TRPS1: variants seen among roughly 807,000 people sequenced by gnomAD.
TRPS1 encodes zinc finger transcription factor Trps1.
A neutral mutation model predicts 101.2 loss-of-function variants in TRPS1; 6 were observed. That is an observed-to-expected ratio of 0.06 (90% confidence interval 0.03 to 0.12). TRPS1 has a LOEUF of 0.12. Ranked by LOEUF, TRPS1 falls within the 10% of genes least tolerant of loss-of-function variation. The pLI, the probability that TRPS1 is intolerant of heterozygous loss-of-function variation, is 1.00. For missense variants in TRPS1, 1,363 were observed against 1,567.0 expected (o/e 0.87, Z 2.20); for synonymous variants, 578 against 589.8 (o/e 0.98, Z 0.29).
At chr8:115,639,323 C>A (rs1818841943) in intron 1 of TRPS1, among the ~76,000 whole-genome samples, 1 of 152,142 alleles carries the variant, frequency 6.6e-6, no homozygotes, top group Admixed American at 6.5e-5. Context: ...GCCACCTTGG[C>A]CTTCCAGAGT....
At position 115,537,617 on chromosome 8, in the gene TRPS1, A is replaced by AT. The variant is rs143993539; in HGVS notation, c.2700+49383dup. Among the ~76,000 whole-genome samples, 1,433 of 152,342 alleles carry AT rather than the reference A, an allele frequency of 9.4e-3. 22 individuals carry two copies. Among genetic ancestry groups the AT allele is most frequent in the African/African-American group, 0.033 (1,372 of 41,574 alleles). On this transcript the variant is annotated intron_variant, in intron 5 of 6. Transcript: ENST00000395715. ...TTTGGGGGACCCAAATTAGTCTCCT[A>AT]TAAAAAAAAGACATGTCCTGAGACT...
intron 5 of TRPS1, among the ~76,000 whole-genome samples, chr8:115,463,954 G>T (rs1814253618): frequency 6.6e-6 from 1 of 151,846 alleles, no homozygotes; most frequent in African/African-American, 2.4e-5. Context: ...TTCCTACAAA[G>T]TAGTTTATAG....
At position 115,604,397 on chromosome 8, in the gene TRPS1, G is replaced by T; in HGVS notation, c.1572C>A (p.Ser524=). Residue 524 remains serine (S), a synonymous_variant, in exon 4 of 7, where the codon TCC becomes TCA. Coordinates refer to ENST00000395715, the MANE Select transcript of TRPS1 (RefSeq NM_014112.5). This position sits in a 1 kb window ranked among gnomAD's most constrained non-coding sequence, Gnocchi z 4.1. The stretch of plus-strand genomic sequence containing the variant: ...CCATATTATCCTCGGCTCCCTTGCT[G>T]GAGAAGTCCTTCTTTTTAGCCCCAC... ...SSSGAKKKDF[S]SKGAEDNMVT... 1.2e-6 allele frequency: 2 copies of T among 1,613,992 alleles called. No homozygotes were observed. Among genetic ancestry groups the T allele is most frequent in the African/African-American group, 2.7e-5 (2 of 74,998 alleles).
At chr8:115,615,508 G>A (rs750019135) in intron 3 of TRPS1, among the ~76,000 whole-genome samples, 5 of 152,198 alleles carry the variant, frequency 3.3e-5, no homozygotes, top group Admixed American at 1.3e-4. Context: ...GGTGGCTCAC[G>A]CCTGTAATCC....
chr8:115,531,702 G>A (rs1393946020), intron 5 of TRPS1, among the ~76,000 whole-genome samples: 1 of 152,028 alleles, frequency 6.6e-6, no homozygotes, highest in African/African-American at 2.4e-5. Context: ...CTTACAAAGA[G>A]TAAGAGTTTA....
chr8:115,426,012 CTT>C (rs1238536642), intron 5 of TRPS1, among the ~76,000 whole-genome samples: 1 of 152,042 alleles, frequency 6.6e-6, no homozygotes, highest in African/African-American at 2.4e-5. Context: ...TCTGCACTGT[CTT>C]TTTTTTCATT....
intron 5 of TRPS1, among the ~76,000 whole-genome samples, chr8:115,561,421 GA>G (rs1246874027): frequency 3.3e-5 from 5 of 151,574 alleles, no homozygotes; most frequent in Non-Finnish European, 5.9e-5. Context: ...AACACTAGCT[GA>G]ATCAGATGAA....
At chr8:115,661,640 T>C (rs916155717) in intron 1 of TRPS1, 2 of 151,998 alleles carry the variant, frequency 1.3e-5, no homozygotes, top group Non-Finnish European at 2.9e-5. Flanking sequence ...GGAACCAAGA[T>C]AGTGGTGGAT....
At position 115,600,336 on chromosome 8, in the gene TRPS1, G is replaced by C. The variant is rs537689386; in HGVS notation, c.2096+3537C>G. Among the ~76,000 whole-genome samples the C allele has an allele frequency of 1.2e-3, 189 of 152,152 alleles. 2 individuals carry two copies. The highest frequency in any genetic ancestry group is 4.5e-3 in the African/African-American group (185 of 41,504). ...TTTCCTGTCCATATGGTGAATTTTCGTAATAGTGAGCTCATGTAAGATTTA... is the reference window on the plus strand; with the variant it reads ...TTTCCTGTCCATATGGTGAATTTTCCTAATAGTGAGCTCATGTAAGATTTA... On this transcript the variant is annotated intron_variant, in intron 4 of 6. Coordinates refer to ENST00000395715, the MANE Select transcript of TRPS1 (RefSeq NM_014112.5).
At chr8:115,567,797 A>G (rs763403146) in intron 5 of TRPS1, among the ~76,000 whole-genome samples, 1 of 152,066 alleles carries the variant, frequency 6.6e-6, no homozygotes, top group African/African-American at 2.4e-5. Flanking sequence ...GCAATCCACT[A>G]TGTTAATATA....
chr8:115,647,242 T>C (rs1811431888), intron 1 of TRPS1, among the ~76,000 whole-genome samples: 1 of 152,128 alleles, frequency 6.6e-6, no homozygotes, highest in Admixed American at 6.5e-5. Context: ...CTACTAAAAA[T>C]ACTAATTTTC....
In TRPS1 at chr8:115,563,414, G is replaced by T. The variant is rs1474074118; in HGVS notation, c.2700+23587C>A. 2.6e-5 allele frequency among the ~76,000 whole-genome samples: 4 copies of T among 152,122 alleles called. No homozygotes were observed. In the East Asian group the frequency reaches 5.8e-4, roughly 22 times the overall value. On this transcript the variant is annotated intron_variant, in intron 5 of 6. Transcript: ENST00000395715. Reference sequence around the variant, plus strand: ...ATACTTATTTCAGATTTACGTCAAGGTTCAATGAATTGCAGCCAGGAAACT... The same window carrying T: ...ATACTTATTTCAGATTTACGTCAAGTTTCAATGAATTGCAGCCAGGAAACT...
At chr8:115,492,083 G>A (rs1815037553) in intron 5 of TRPS1, 2 of 421,990 alleles carry the variant, frequency 4.7e-6, no homozygotes, top group Non-Finnish European at 9.4e-6. Flanking sequence ...TTAAAATTTT[G>A]AAAAGAAAAA....
At chr8:115,533,434 C>CTTTTTTTTTTTTTTTTTTT in intron 5 of TRPS1, among the ~76,000 whole-genome samples, 1 of 32,348 alleles carries the variant, frequency 3.1e-5, no homozygotes, top group South Asian at 1.2e-3. Context: ...CACATGTAAT[C>CTTTTTTTTTTTTTTTTTTT]TGTTTTTTTT....
chr8:115,444,761 C>T (rs1813691128), intron 5 of TRPS1, among the ~76,000 whole-genome samples: 1 of 152,116 alleles, frequency 6.6e-6, no homozygotes. Context: ...TTTTCTTCCC[C>T]TTTTCATCAT....
chr8:115,489,958 A>G (rs577150847), intron 5 of TRPS1, among the ~76,000 whole-genome samples: 7 of 152,214 alleles, frequency 4.6e-5, no homozygotes, highest in Non-Finnish European at 1.0e-4. Flanking sequence ...TGTTTCCATT[A>G]AAAGTTACTG....
chr8:115,666,291 A>C (rs1041900148), intron 1 of TRPS1, among the ~76,000 whole-genome samples: 3 of 152,166 alleles, frequency 2.0e-5, no homozygotes, highest in Non-Finnish European at 4.4e-5. Context: ...GGTAAAAAAA[A>C]AAAATCCTCA....
At chr8:115,518,090 A>G (rs566958380) in intron 5 of TRPS1, among the ~76,000 whole-genome samples, 2,109 of 4,338 alleles carry the variant, frequency 0.49, 48 homozygotes, top group African/African-American at 0.51. Context: ...CCAGCACTAC[A>G]CAATTCTGGT....
intron 1 of TRPS1, among the ~76,000 whole-genome samples, chr8:115,628,204 G>A (rs1478789509): frequency 1.3e-5 from 2 of 151,730 alleles, no homozygotes; most frequent in African/African-American, 2.4e-5. Context: ...CTACCACAGG[G>A]AGCAGTTTAA....
Sources: gnomAD v4.1 joint callset for allele counts (sites outside exome capture counted in the v4.1 genomes callset) on GRCh38, gnomAD v4.1.1 for gene constraint, Gnocchi (gnomAD v3.1) non-coding constraint, MANE v1.5 for transcripts, NCBI Gene and HGNC (gene_info 2026-07-23, HGNC 2026-07-21) for gene names.